Variants in NLRP1 observed in about 807,000 individuals in gnomAD.
NLRP1 encodes NACHT, LRR and PYD domains-containing protein 1.
NLRP1 carries 94 observed loss-of-function variants against 136.7 expected under a neutral mutation model. That is an observed-to-expected ratio of 0.69 (90% CI 0.58 to 0.82). The LOEUF (loss-of-function observed/expected upper bound fraction) is 0.82, where lower values mean the gene tolerates loss of function less well. NLRP1 is among the 40% of genes least tolerant of loss of function. NLRP1 has a pLI of 0.00. For synonymous variants in NLRP1, 690 were observed against 725.1 expected, an observed-to-expected ratio of 0.95 and a Z score of 0.78; for missense variants, 1,575 against 1,802.7, an observed-to-expected ratio of 0.87 and a Z score of 2.29.
Position 5,541,274 on chromosome 17 carries a change from G to C in NLRP1, c.2699+583C>G, listed in dbSNP as rs9901446. Among the ~76,000 whole-genome samples the C allele has an allele frequency of 0.037, 5,643 of 152,228 alleles. 142 individuals carry two copies. The highest frequency in any genetic ancestry group is 0.059 in the South Asian group (283 of 4,820). ...TTGGCTAGGCTGGTCTGGAACTCCT[G>C]ACCTCAAGTGATCTGCCTGCCTCGA... On this transcript the variant is annotated intron_variant, in intron 6 of 16. Transcript: ENST00000572272. The surrounding 1 kb of genome is among the most constrained non-coding windows in gnomAD (Gnocchi z 4.2).
exon 16 of NLRP1, chr17:5,501,795 T>C (rs1907099104): frequency 6.2e-7 from 1 of 1,611,176 alleles, no homozygotes; most frequent in African/African-American, 1.3e-5. Context: ...TCATTGGTAC[T>C]GCCGCAGGCT....
intron 4 of NLRP1, among the ~76,000 whole-genome samples, chr17:5,555,552 C>T (rs779791116): frequency 3.3e-5 from 5 of 152,054 alleles, no homozygotes; most frequent in East Asian, 1.9e-4. Flanking sequence ...CAGCCCCCAT[C>T]CCCCGGCCAG....
rs116594891 is a variant in NLRP1, at chr17:5,519,740, G to C, written c.3915+1141C>G. 6.6e-3 allele frequency among the ~76,000 whole-genome samples: 1,006 copies of C among 151,796 alleles called. 10 individuals are homozygous for C. The highest frequency in any genetic ancestry group is 0.023 in the African/African-American group (968 of 41,374). On this transcript the variant is annotated intron_variant, in intron 14 of 16. Coordinates refer to ENST00000572272, the MANE Select transcript of NLRP1 (RefSeq NM_033004.4). ...TGGGATTATAGGCGTGACCCACTGC[G>C]CCTGGCCCATAATGGCCTTTTGACT...
At chr17:5,538,078 C>T (rs1284754854) in intron 7 of NLRP1, among the ~76,000 whole-genome samples, 1 of 152,206 alleles carries the variant, frequency 6.6e-6, no homozygotes, top group Non-Finnish European at 1.5e-5. Context: ...CTGAGGAAAG[C>T]CCGAGGCCCA....
intron 5 of NLRP1, among the ~76,000 whole-genome samples, chr17:5,545,337 GACACAC>G (rs55788409): frequency 8.1e-5 from 12 of 147,842 alleles, no homozygotes; most frequent in African/African-American, 2.5e-4. Context: ...CAGACACACA[GACACAC>G]ACACACACAC....
At chr17:5,517,216 A>C (rs976398253) in intron 15 of NLRP1, among the ~76,000 whole-genome samples, 25 of 152,180 alleles carry the variant, frequency 1.6e-4, no homozygotes, top group Non-Finnish European at 2.5e-4. Context: ...AGAGAACATA[A>C]ATTTTAGAGG....
intron 6 of NLRP1, among the ~76,000 whole-genome samples, chr17:5,540,860 G>A (rs1911780958): frequency 6.6e-6 from 1 of 152,130 alleles, no homozygotes; most frequent in East Asian, 1.9e-4. Context: ...AAGAAGGAAG[G>A]GACGTGTGAT....
rs940503649 is a variant in NLRP1 at position 5,515,367 on chromosome 17, G to A, written c.4102+106C>T. On this transcript the variant is annotated intron_variant, in intron 16 of 16. Coordinates refer to ENST00000572272, the MANE Select transcript of NLRP1 (RefSeq NM_033004.4). ...CTCTCCAGGGCCTGACTCTTTGTGA[G>A]GTTTGCAGTGATGAGTCCCTTCCTT... The A allele has an allele frequency of 4.0e-6, 4 of 987,724 alleles. No homozygotes were observed. The African/African-American group carries it at 6.4e-5, about 16-fold the overall frequency. The allele number at this position is 987,724 out of a possible 1,614,324, so 61.2% of individuals were successfully genotyped here.
intron 3 of NLRP1, among the ~76,000 whole-genome samples, chr17:5,561,926 G>A (rs904438849): frequency 4.6e-5 from 7 of 152,292 alleles, no homozygotes; most frequent in South Asian, 2.1e-4. Flanking sequence ...CCGGTTCCCC[G>A]AGAAACACTC....
intron 3 of NLRP1, among the ~76,000 whole-genome samples, chr17:5,570,676 G>A (rs1021623014): frequency 3.3e-5 from 5 of 151,998 alleles, no homozygotes; most frequent in Non-Finnish European, 7.4e-5. Flanking sequence ...AGAAGAGCTC[G>A]TACAATTTCT....
chr17:5,532,040 C>T (rs142471899), intron 11 of NLRP1, among the ~76,000 whole-genome samples: 2,657 of 152,204 alleles, frequency 0.017, 140 homozygotes, highest in South Asian at 0.16. Context: ...GTCAGGAGTT[C>T]GAGACCAGCC....
At chr17:5,544,265 G>A (rs535141550) in intron 5 of NLRP1, among the ~76,000 whole-genome samples, 14 of 152,308 alleles carry the variant, frequency 9.2e-5, no homozygotes, top group African/African-American at 3.4e-4. Flanking sequence ...GCATCTTGGG[G>A]TAGGGCAGGT....
At chr17:5,508,109 G>A (rs1312286456) in intron 15 of NLRP1, among the ~76,000 whole-genome samples, 1 of 151,880 alleles carries the variant, frequency 6.6e-6, no homozygotes, top group East Asian at 1.9e-4. Context: ...ACTCCAGCCT[G>A]GGGGACAGAG....
At chr17:5,520,381 G>A (rs1427327856) in intron 14 of NLRP1, among the ~76,000 whole-genome samples, 1 of 152,096 alleles carries the variant, frequency 6.6e-6, no homozygotes, top group Non-Finnish European at 1.5e-5. Context: ...TGCCTGAAAT[G>A]TTCTTCCACA....
At chr17:5,530,358 A>G in intron 12 of NLRP1, 123 bp downstream of exon 12, 1 of 780,942 alleles carries the variant, frequency 1.3e-6, no homozygotes, top group Non-Finnish European at 2.1e-6. Flanking sequence ...CCCCATCTCC[A>G]TAACCCCCCC....
At chr17:5,520,460 T>G (rs1367633014) in intron 14 of NLRP1, among the ~76,000 whole-genome samples, 1 of 152,174 alleles carries the variant, frequency 6.6e-6, no homozygotes. Context: ...CTTCCTCAAA[T>G]GTATGCAACC....
At chr17:5,528,221 G>A (rs1264867796) in intron 12 of NLRP1, among the ~76,000 whole-genome samples, 2 of 152,152 alleles carry the variant, frequency 1.3e-5, no homozygotes, top group Admixed American at 6.5e-5. Flanking sequence ...CCCTGGCCAC[G>A]GTCTCACTTG....
chr17:5,554,163 T>A (rs1219509425), intron 4 of NLRP1, among the ~76,000 whole-genome samples: 1 of 152,086 alleles, frequency 6.6e-6, no homozygotes, highest in Non-Finnish European at 1.5e-5. Flanking sequence ...CATGGGACCC[T>A]ATCCCCTTCC....
intron 15 of NLRP1, among the ~76,000 whole-genome samples, chr17:5,516,967 T>C (rs1037052626): frequency 1.3e-5 from 2 of 152,214 alleles, no homozygotes; most frequent in Middle Eastern, 3.2e-3. Flanking sequence ...AGTCCATAAA[T>C]TTTCTCTATC....
Sources: allele counts gnomAD v4.1 joint callset (sites outside exome capture counted in the v4.1 genomes callset), GRCh38; gene constraint gnomAD v4.1.1; non-coding constraint Gnocchi (gnomAD v3.1); transcripts MANE v1.5; gene names NCBI Gene and HGNC (gene_info 2026-07-23, HGNC 2026-07-21).